Variants in PSMD11 observed in about 807,000 individuals in gnomAD.
The protein encoded by PSMD11 is 26S proteasome non-ATPase regulatory subunit 11.
In PSMD11, 5 loss-of-function variants were observed where a neutral mutation model predicts 62.3. That is an observed-to-expected ratio of 0.08 (90% CI 0.04 to 0.17). PSMD11 has a LOEUF of 0.17. Among genes scored for constraint, PSMD11 ranks in the 10% least tolerant of loss-of-function variants. The pLI is 1.00. For missense variants in PSMD11, 310 were observed against 512.9 expected (o/e 0.60, Z 3.82); for synonymous variants, 191 against 191.8 (o/e 1.00, Z 0.03).
At position 32,474,721 on chromosome 17, in the gene PSMD11, C is replaced by T. The variant is rs994585088; in HGVS notation, c.789-43C>T. 2.5e-6 allele frequency: 4 copies of T among 1,589,596 alleles called. No individual in the cohort carries two copies. In the Admixed American group the frequency reaches 6.7e-5, roughly 27 times the overall value. On this transcript the variant is annotated intron_variant, in intron 7 of 13. Transcript: ENST00000261712. ...ATTTGCCCAAACCTTCCTTTAGAAGCATAACATCTGCAGCAATTGACCAAG... is the reference window on the plus strand; with the variant it reads ...ATTTGCCCAAACCTTCCTTTAGAAGTATAACATCTGCAGCAATTGACCAAG...
At chr17:32,480,030 T>A in intron 11 of PSMD11, 116 bp from the exon 12 acceptor site, 1 of 1,481,026 alleles carries the variant, frequency 6.8e-7, no homozygotes, top group Non-Finnish European at 9.4e-7. Flanking sequence ...GGAGTTGCAT[T>A]GTTGCTATTT....
intron 3 of PSMD11, chr17:32,454,878 G>A (rs141232083): frequency 5.7e-6 from 2 of 351,396 alleles, no homozygotes; most frequent in Non-Finnish European, 5.3e-6. Context: ...TGTCTTTGAG[G>A]TATTGTATTG....
At chr17:32,462,857 C>T (rs1907881679) in intron 3 of PSMD11, among the ~76,000 whole-genome samples, 2 of 151,990 alleles carry the variant, frequency 1.3e-5, no homozygotes, top group Non-Finnish European at 2.9e-5. Context: ...TGGCTAATTT[C>T]TTCTATTTTT....
intron 8 of PSMD11, among the ~76,000 whole-genome samples, chr17:32,476,400 C>T (rs902353756): frequency 1.3e-5 from 2 of 152,318 alleles, no homozygotes; most frequent in African/African-American, 4.8e-5. Context: ...GAATTAGGGT[C>T]ATTGGCTCTA....
intron 2 of PSMD11, 122 bp downstream of exon 2, chr17:32,447,168 G>T: frequency 1.4e-6 from 1 of 731,736 alleles, no homozygotes; most frequent in South Asian, 2.5e-5. Flanking sequence ...GCAACTTGTT[G>T]AGCTTCAGTT....
At chr17:32,447,102 T>C (rs1907355199) in intron 2 of PSMD11, 56 bp downstream of exon 2, 5 of 1,390,942 alleles carry the variant, frequency 3.6e-6, no homozygotes, top group Middle Eastern at 1.8e-4. Context: ...CTGTCTTTTG[T>C]TGGAGTGAAG....
rs1159073032 is a variant in PSMD11 at position 32,454,514 on chromosome 17, G to A, written c.213G>A (p.Lys71=). The stretch of plus-strand genomic sequence containing the variant: ...CTACAGAGCTTGGAGGACTCCTGAA[G>A]TATGTACGACCCTTCTTGAATTCCA... ...GQAAELGGLL[K]YVRPFLNSIS... Residue 71 remains lysine, a synonymous_variant, in exon 3 of 14, where the codon AAG becomes AAA. Transcript: ENST00000261712. 3 of 1,613,772 alleles carry A rather than the reference G, an allele frequency of 1.9e-6. No individual in the cohort carries two copies. Among genetic ancestry groups the A allele is most frequent in the African/African-American group, 1.3e-5 (1 of 74,920 alleles).
intron 1 of PSMD11, chr17:32,445,108 T>G: frequency 6.4e-6 from 1 of 155,622 alleles, no homozygotes; most frequent in South Asian, 1.8e-4. Context: ...GGGAGTTTCC[T>G]TCCACGGGAC....
intron 3 of PSMD11, among the ~76,000 whole-genome samples, chr17:32,455,731 GATAGT>G (rs1419082679): frequency 6.6e-6 from 1 of 152,164 alleles, no homozygotes; most frequent in Non-Finnish European, 1.5e-5. Context: ...ACTGTTTGAT[GATAGT>G]ATATAAAAAG....
intron 3 of PSMD11, among the ~76,000 whole-genome samples, chr17:32,463,817 G>C (rs550911815): frequency 3.3e-5 from 5 of 152,300 alleles, no homozygotes; most frequent in African/African-American, 1.2e-4. Context: ...CTTGAAGATA[G>C]AGCTCTTTTC....
chr17:32,464,865 G>A (rs1290433981), intron 5 of PSMD11, among the ~76,000 whole-genome samples: 1 of 152,122 alleles, frequency 6.6e-6, no homozygotes, highest in African/African-American at 2.4e-5. Context: ...TTTAAAAAAA[G>A]TGTATCTATA....
intron 4 of PSMD11, 126 bp from the exon 5 acceptor site, chr17:32,464,395 A>T (rs929300750): frequency 2.5e-6 from 2 of 802,180 alleles, no homozygotes; most frequent in Non-Finnish European, 4.0e-6. Flanking sequence ...ATCGTCTCTT[A>T]TGCTGAATTT....
chr17:32,463,305 A>G (rs910913172), intron 3 of PSMD11: 4 of 152,130 alleles, frequency 2.6e-5, no homozygotes, highest in African/African-American at 9.7e-5. Flanking sequence ...CCTTTAAATA[A>G]AGCTTAAAAG....
chr17:32,459,961 T>C (rs1331280657), intron 3 of PSMD11, among the ~76,000 whole-genome samples: 1 of 151,866 alleles, frequency 6.6e-6, no homozygotes, highest in East Asian at 1.9e-4. Context: ...TTTGACTGGG[T>C]GTTGGGAAAG....
chr17:32,450,422 ATTTTTTTT>A (rs58292122), intron 2 of PSMD11, among the ~76,000 whole-genome samples: 1 of 129,538 alleles, frequency 7.7e-6, no homozygotes, highest in African/African-American at 2.9e-5. Context: ...TGCTCGGCTA[ATTTTTTTT>A]TTTTTTTTTT....
chr17:32,463,247 A>T (rs980294662), intron 3 of PSMD11: 7 of 152,228 alleles, frequency 4.6e-5, no homozygotes, highest in Non-Finnish European at 1.0e-4. Flanking sequence ...GTTACTTTGC[A>T]CCTTACCTCA....
chr17:32,464,007 T>C (rs1455583782), intron 3 of PSMD11, 42 bp from the exon 4 acceptor site: 1 of 1,562,270 alleles, frequency 6.4e-7, no homozygotes, highest in East Asian at 2.2e-5. Context: ...TGGGAAGAAT[T>C]TGAGGACATA....
In PSMD11 at chr17:32,480,730, C is replaced by T. The variant is rs531879048; in HGVS notation, c.*1-23C>T. The T allele has an allele frequency of 6.7e-5, 92 of 1,376,288 alleles. 1 individual carries two copies. In the Admixed American group the frequency reaches 1.4e-3, roughly 21 times the overall value. The allele number at this position is 1,376,288 out of a possible 1,614,324, so 85.3% of individuals were successfully genotyped here. A position where few individuals can be genotyped will look rare whatever the true frequency, so the allele number is the denominator to read the frequency against. ...GGTGTCCTCATGGCTTCCTGATTGACACTGCTCTGTCTTCTCTTGCAGAGT... is the reference window on the plus strand; with the variant it reads ...GGTGTCCTCATGGCTTCCTGATTGATACTGCTCTGTCTTCTCTTGCAGAGT... On this transcript the variant is annotated intron_variant, in intron 13 of 13. Transcript: ENST00000261712.
chr17:32,461,032 C>A (rs145383210), intron 3 of PSMD11, among the ~76,000 whole-genome samples: 8 of 152,180 alleles, frequency 5.3e-5, no homozygotes, highest in African/African-American at 1.9e-4. Flanking sequence ...GGGGAGTAGC[C>A]TATGGGCAAC....
Sources: allele counts gnomAD v4.1 joint callset (sites outside exome capture counted in the v4.1 genomes callset), GRCh38; gene constraint gnomAD v4.1.1; transcripts MANE v1.5; gene names NCBI Gene and HGNC (gene_info 2026-07-23, HGNC 2026-07-21).